RYR3: variants seen among roughly 807,000 people sequenced by gnomAD.
RYR3 encodes ryanodine receptor 3.
A neutral mutation model predicts 584.3 loss-of-function variants in RYR3; 207 were observed. The observed-to-expected ratio is 0.35, with a 90% confidence interval of 0.32 to 0.40. The LOEUF (loss-of-function observed/expected upper bound fraction) is 0.40, where lower values mean the gene tolerates loss of function less well. Among genes scored for constraint, RYR3 ranks in the 10% least tolerant of loss-of-function variants. The pLI is 1.00. For missense variants in RYR3, 5,616 were observed against 6,089.2 expected, an observed-to-expected ratio of 0.92 and a Z score of 2.59; for synonymous variants, 2,416 against 2,248.5, an observed-to-expected ratio of 1.07 and a Z score of -2.11.
intron 1 of RYR3, among the ~76,000 whole-genome samples, chr15:33,360,893 G>C (rs748150989): frequency 5.3e-5 from 8 of 152,232 alleles, no homozygotes; most frequent in Non-Finnish European, 8.8e-5. Context: ...CAGGACAGTA[G>C]ACAGACCTGA....
chr15:33,497,191 T>A (rs1293131913), intron 2 of RYR3, among the ~76,000 whole-genome samples: 1 of 152,166 alleles, frequency 6.6e-6, no homozygotes, highest in African/African-American at 2.4e-5. Flanking sequence ...TCTGCAGAGA[T>A]ACCCATACAT....
intron 85 of RYR3, among the ~76,000 whole-genome samples, chr15:33,828,282 T>C (rs1325300515): frequency 6.6e-6 from 1 of 152,182 alleles, no homozygotes; most frequent in Non-Finnish European, 1.5e-5. Flanking sequence ...CCCTGAGACA[T>C]AACAGTATTG....
At position 33,473,467 on chromosome 15, in the gene RYR3, A is replaced by G; in HGVS notation, c.100A>G (p.Arg34Gly). ...QCIATIHKEQ[R>G]KFCLAAEGLG... ...CATCGCCACCATTCATAAGGAGCAG[A>G]GGAAGTTCTGCCTGGCAGCCGAGGG... Residue 34 changes from arginine to glycine, a missense_variant, in exon 2 of 104, where the codon AGG (arginine) becomes GGG (glycine). Physicochemically the swap from Arg to Gly is moderately radical, Grantham distance 125. Transcript: ENST00000634891. 1 of 1,613,952 alleles carries G rather than the reference A, an allele frequency of 6.2e-7. No homozygotes were observed. Among genetic ancestry groups the G allele is most frequent in the Non-Finnish European group, 8.5e-7 (1 of 1,179,872 alleles).
Position 33,562,883 on chromosome 15 carries a change from G to C in RYR3, c.1019G>C (p.Gly340Ala). Residue 340 changes from glycine (G) to alanine (A), a missense_variant, in exon 11 of 104, where the codon GGC becomes GCC. Physicochemically the swap from Gly to Ala is moderately conservative, Grantham distance 60. Coordinates refer to ENST00000634891, the MANE Select transcript of RYR3 (RefSeq NM_001036.6). ...TCCAGTCACAAGCGAGACATAGAAG[G>C]CATGGGAGTTCCAGAAATCAAGTAT... The part of the protein sequence containing the change: ...LDSSHKRDIE[G>A]MGVPEIKYGD... 1 of 1,613,370 alleles carries C rather than the reference G, an allele frequency of 6.2e-7. No homozygotes were observed. The highest frequency in any genetic ancestry group is 8.5e-7 in the Non-Finnish European group (1 of 1,179,388).
chr15:33,380,679 G>T (rs2041119991), intron 1 of RYR3, among the ~76,000 whole-genome samples: 2 of 152,220 alleles, frequency 1.3e-5, no homozygotes, highest in Admixed American at 1.3e-4. Context: ...GCTAAGCCAT[G>T]CCCTGGGTAG....
chr15:33,669,857 G>GGGGGGGGT (rs1555401713), intron 37 of RYR3, among the ~76,000 whole-genome samples: 3 of 60,252 alleles, frequency 5.0e-5, no homozygotes, highest in African/African-American at 2.1e-4. Flanking sequence ...GGGGGGGGGG[G>GGGGGGGGT]GTGTGGGTGT....
intron 12 of RYR3, among the ~76,000 whole-genome samples, chr15:33,572,108 C>A (rs994262605): frequency 8.5e-5 from 13 of 152,056 alleles, no homozygotes; most frequent in African/African-American, 3.1e-4. Context: ...GATAATATTG[C>A]CACATATATT....
chr15:33,620,495 G>T (rs1353701862), intron 19 of RYR3, among the ~76,000 whole-genome samples: 2 of 152,134 alleles, frequency 1.3e-5, no homozygotes, highest in East Asian at 3.9e-4. Flanking sequence ...AAAATATTTA[G>T]CATCCTCTGA....
At chr15:33,344,076 A>G (rs558249770) in intron 1 of RYR3, among the ~76,000 whole-genome samples, 1 of 152,310 alleles carries the variant, frequency 6.6e-6, no homozygotes, top group South Asian at 2.1e-4. Context: ...CACTTGCTGG[A>G]ATTGTTGTTG....
At chr15:33,685,601 A>T (rs1434432496) in intron 38 of RYR3, among the ~76,000 whole-genome samples, 1 of 152,258 alleles carries the variant, frequency 6.6e-6, no homozygotes, top group African/African-American at 2.4e-5. Flanking sequence ...CATAATAGAC[A>T]TCTACAGAAC....
intron 1 of RYR3, among the ~76,000 whole-genome samples, chr15:33,312,116 A>C (rs2140440833): frequency 6.6e-6 from 1 of 152,342 alleles, no homozygotes; most frequent in East Asian, 1.9e-4. Context: ...ATGTTTTGTA[A>C]ACGGCAAATC....
At chr15:33,511,606 T>G (rs35896394) in intron 3 of RYR3, among the ~76,000 whole-genome samples, 79 of 146,772 alleles carry the variant, frequency 5.4e-4, no homozygotes, top group Non-Finnish European at 6.9e-4. Flanking sequence ...TCTCTGCAAT[T>G]AAAAAAAAAA....
intron 93 of RYR3, 111 bp from the exon 94 acceptor site, chr15:33,848,180 A>G: frequency 2.2e-6 from 3 of 1,352,026 alleles, no homozygotes; most frequent in Admixed American, 2.0e-5. Flanking sequence ...GAATTCCACT[A>G]TAAGGAGATT....
intron 32 of RYR3, among the ~76,000 whole-genome samples, chr15:33,655,088 C>T (rs2062747192): frequency 6.6e-6 from 1 of 152,252 alleles, no homozygotes; most frequent in Non-Finnish European, 1.5e-5. Context: ...TGCACCTCCT[C>T]CTCTTCCTGG....
At chr15:33,733,505 A>G (rs545701408) in intron 48 of RYR3, among the ~76,000 whole-genome samples, 1 of 152,244 alleles carries the variant, frequency 6.6e-6, no homozygotes, top group East Asian at 1.9e-4. Flanking sequence ...CGAAAAGGCT[A>G]CATGCTGTAT....
At chr15:33,498,235 T>A (rs1475749104) in intron 2 of RYR3, among the ~76,000 whole-genome samples, 1 of 152,192 alleles carries the variant, frequency 6.6e-6, no homozygotes, top group Non-Finnish European at 1.5e-5. Flanking sequence ...CTGGATCATA[T>A]GGTAGTTGTG....
chr15:33,493,508 C>T (rs1459236351), intron 2 of RYR3, among the ~76,000 whole-genome samples: 4 of 152,116 alleles, frequency 2.6e-5, no homozygotes, highest in African/African-American at 9.7e-5. Context: ...TATAAAGAGT[C>T]AGTGTTTCAG....
At chr15:33,461,709 T>G (rs2048054492) in intron 1 of RYR3, among the ~76,000 whole-genome samples, 1 of 152,194 alleles carries the variant, frequency 6.6e-6, no homozygotes, top group African/African-American at 2.4e-5. Flanking sequence ...CAGCTCAGCC[T>G]AGGGCAGAAA....
intron 10 of RYR3, among the ~76,000 whole-genome samples, chr15:33,562,369 A>C (rs1485014421): frequency 6.6e-6 from 1 of 152,244 alleles, no homozygotes; most frequent in Admixed American, 6.5e-5. Flanking sequence ...GCAGGTTTTT[A>C]TAAGAAATTT....
Sources: allele counts gnomAD v4.1 joint callset (sites outside exome capture counted in the v4.1 genomes callset), GRCh38; gene constraint gnomAD v4.1.1; transcripts MANE v1.5; gene names NCBI Gene and HGNC (gene_info 2026-07-23, HGNC 2026-07-21).